Variants in LIMS2 observed in about 807,000 individuals in gnomAD.
The protein encoded by LIMS2 is LIM zinc finger domain containing 2, also known as LIM and senescent cell antigen-like-containing domain protein 2.
LIMS2 carries 30 observed loss-of-function variants against 45.3 expected under a neutral mutation model. That is an observed-to-expected ratio of 0.66 (90% CI 0.50 to 0.90). LIMS2 has a LOEUF of 0.90. Among genes scored for constraint, LIMS2 ranks in the 40% least tolerant of loss-of-function variants. The probability of loss-of-function intolerance (pLI) is 0.00; values close to 1 mark genes in which losing one functional copy is unlikely to be tolerated. For synonymous variants in LIMS2, 173 were observed against 188.0 expected, an observed-to-expected ratio of 0.92 and a Z score of 0.65; for missense variants, 485 against 468.7, an observed-to-expected ratio of 1.03 and a Z score of -0.32.
At chr2:127,681,038 C>T (rs1418550105) in intron 1 of LIMS2, among the ~76,000 whole-genome samples, 1 of 152,236 alleles carries the variant, frequency 6.6e-6, no homozygotes, top group African/African-American at 2.4e-5. Context: ...CCCACTGGAG[C>T]TTGTTCCACT....
In LIMS2 at chr2:127,642,429, C is replaced by A. The variant is rs1244751291; in HGVS notation, c.510-230G>T. 2.2e-6 allele frequency: 1 copy of A among 463,598 alleles called. No individual in the cohort carries two copies. The highest frequency in any genetic ancestry group is 3.4e-5 in the East Asian group (1 of 29,554). 28.7% of individuals were successfully genotyped at this position (463,598 alleles called of 1,614,324 possible). A position where few individuals can be genotyped will look rare whatever the true frequency, so the allele number is the denominator to read the frequency against. On this transcript the variant is annotated intron_variant, in intron 5 of 9. Coordinates refer to ENST00000355119, the MANE Select transcript of LIMS2 (RefSeq NM_001161403.3). The surrounding 1 kb of genome is among the most constrained non-coding windows in gnomAD (Gnocchi z 5.3). ...CAGAAGAGTGGGCTGTGTTCTGCAC[C>A]CAGGCCTCTGAGAAGCAGGTCTGTT...
At chr2:127,643,368 A>T (rs921455716) in intron 4 of LIMS2, 4 of 517,910 alleles carry the variant, frequency 7.7e-6, no homozygotes, top group Non-Finnish European at 1.5e-5. Flanking sequence ...GCTGCAGAAT[A>T]CAGTAGACAT....
rs1313856783 is a variant in LIMS2 at position 127,664,137 on chromosome 2, A to G, written c.12-6575T>C. On this transcript the variant is annotated intron_variant, in intron 1 of 9. Transcript: ENST00000355119. This position sits in a 1 kb window ranked among gnomAD's most constrained non-coding sequence, Gnocchi z 5.5. ...ATCACAGGTGACATCCAACCCTGTTAGATAAAGTCGCACGCGCCCACCCTG... is the reference window on the plus strand; with the variant it reads ...ATCACAGGTGACATCCAACCCTGTTGGATAAAGTCGCACGCGCCCACCCTG... Among the ~76,000 whole-genome samples, 3 of 151,974 alleles carry G rather than the reference A, an allele frequency of 2.0e-5. No homozygotes were observed. Among genetic ancestry groups the G allele is most frequent in the Admixed American group, 1.3e-4 (2 of 15,272 alleles).
intron 1 of LIMS2, among the ~76,000 whole-genome samples, chr2:127,661,135 G>A (rs1280653962): frequency 6.6e-6 from 1 of 152,246 alleles, no homozygotes; most frequent in South Asian, 2.1e-4. Flanking sequence ...AGGAAGAGAG[G>A]CAGTGTGACA....
intron 6 of LIMS2, 66 bp from the exon 7 acceptor site, chr2:127,641,054 G>T: frequency 1.5e-6 from 2 of 1,330,506 alleles, no homozygotes; most frequent in Non-Finnish European, 1.1e-6. Flanking sequence ...GGACAGTGGT[G>T]ACCCGGGGAC....
At chr2:127,641,702 G>A (rs1433491393) in intron 6 of LIMS2, 2 of 229,952 alleles carry the variant, frequency 8.7e-6, no homozygotes, top group African/African-American at 2.3e-5. Flanking sequence ...TCTGCACAGG[G>A]CTGTCCATGC....
At chr2:127,660,351 C>G (rs992971918) in intron 1 of LIMS2, among the ~76,000 whole-genome samples, 5 of 152,196 alleles carry the variant, frequency 3.3e-5, no homozygotes, top group African/African-American at 7.2e-5. Context: ...AAAGTTTGTT[C>G]TTTTGCTCTT....
chr2:127,650,926 C>A, intron 4 of LIMS2: 1 of 1,614,012 alleles, frequency 6.2e-7, no homozygotes, highest in East Asian at 2.2e-5. Context: ...AAGTCCGGGA[C>A]CCCGGCCAAC....
chr2:127,638,469 C>CAA lies in LIMS2; in HGVS notation c.*810_*811dup, dbSNP rs1484377449. ...ATTGTGCAAGCGTGAGCCCAACAAA[C>CAA]AAACACCAGGTCTGCGCTGGCCGAA... On this transcript the variant is annotated 3_prime_UTR_variant, in exon 10 of 10. Coordinates refer to ENST00000355119, the MANE Select transcript of LIMS2 (RefSeq NM_001161403.3). 5.3e-5 allele frequency: 8 copies of CAA among 152,286 alleles called. No individual in the cohort carries two copies. Among genetic ancestry groups the CAA allele is most frequent in the African/African-American group, 1.7e-4 (7 of 41,278 alleles). The allele number at this position is 152,286 out of a possible 1,614,324, so 9.4% of individuals were successfully genotyped here.
At chr2:127,676,744 T>C (rs1685511843), upstream of LIMS2, among the ~76,000 whole-genome samples, 1 of 152,182 alleles carries the variant, frequency 6.6e-6, no homozygotes. Flanking sequence ...TAAGTATGGA[T>C]AATTTCTTGG....
chr2:127,639,074 G>A lies in LIMS2; in HGVS notation c.*207C>T, dbSNP rs1682120112. 6.8e-6 allele frequency: 4 copies of A among 588,826 alleles called. No homozygotes were observed. Among genetic ancestry groups the A allele is most frequent in the South Asian group, 6.3e-5 (3 of 47,732 alleles). The allele number at this position is 588,826 out of a possible 1,614,324, so 36.5% of individuals were successfully genotyped here. A position where few individuals can be genotyped will look rare whatever the true frequency, so the allele number is the denominator to read the frequency against. On this transcript the variant is annotated 3_prime_UTR_variant, in exon 10 of 10. Coordinates refer to ENST00000355119, the MANE Select transcript of LIMS2 (RefSeq NM_001161403.3). Reference sequence around the variant, plus strand: ...CATAGGCTCCCACTCCCCAGCTCCTGCCTCCTCACAGACAGAAGCCACGGC... The same window carrying A: ...CATAGGCTCCCACTCCCCAGCTCCTACCTCCTCACAGACAGAAGCCACGGC...
chr2:127,658,702 C>T (rs1250467072), intron 1 of LIMS2, among the ~76,000 whole-genome samples: 2 of 152,204 alleles, frequency 1.3e-5, no homozygotes, highest in Non-Finnish European at 2.9e-5. Context: ...ACACCTTTTG[C>T]TAGGAAGGGA....
intron 9 of LIMS2, 146 bp downstream of exon 9, chr2:127,639,924 C>A: frequency 1.2e-6 from 1 of 810,540 alleles, no homozygotes; most frequent in African/African-American, 1.7e-5. Flanking sequence ...GCCCCCATCT[C>A]CCTGGGTGGT....
At chr2:127,641,059 G>A (rs939027478) in intron 6 of LIMS2, 71 bp from the exon 7 acceptor site, 51 of 1,257,220 alleles carry the variant, frequency 4.1e-5, no homozygotes, top group Admixed American at 3.9e-4. Context: ...GTGGTGACCC[G>A]GGGACAACAG....
chr2:127,674,615 A>T (rs1009458527), intron 1 of LIMS2: 3 of 984,342 alleles, frequency 3.0e-6, no homozygotes, highest in Non-Finnish European at 3.6e-6. Flanking sequence ...CAGAGATGAC[A>T]CTCACCGGGA....
intron 4 of LIMS2, among the ~76,000 whole-genome samples, chr2:127,650,269 G>A (rs867406388): frequency 5.3e-5 from 8 of 152,258 alleles, no homozygotes; most frequent in Middle Eastern, 3.4e-3. Flanking sequence ...CACCTGCCAA[G>A]GCTTGGGCTG....
chr2:127,642,687 C>G lies in LIMS2; in HGVS notation c.509+236G>C, dbSNP rs895431680. ...TCTAGGGGTCCAGCCCACCCGCCTC[C>G]TGAGTCTCAAGTGCCCCCCAAACAG... On this transcript the variant is annotated intron_variant, in intron 5 of 9. Coordinates refer to ENST00000355119, the MANE Select transcript of LIMS2 (RefSeq NM_001161403.3). The surrounding 1 kb of genome is among the most constrained non-coding windows in gnomAD (Gnocchi z 5.3). 7.4e-5 allele frequency: 41 copies of G among 550,812 alleles called. No individual in the cohort carries two copies. The highest frequency in any genetic ancestry group is 9.7e-4 in the Middle Eastern group (2 of 2,070). 34.1% of individuals were successfully genotyped at this position (550,812 alleles called of 1,614,324 possible). A position where few individuals can be genotyped will look rare whatever the true frequency, so the allele number is the denominator to read the frequency against.
Position 127,640,393 on chromosome 2 carries a change from G to A in LIMS2, c.754-75C>T, listed in dbSNP as rs1682289626. The A allele has an allele frequency of 1.5e-5, 22 of 1,509,486 alleles. No individual in the cohort carries two copies. In the South Asian group the frequency reaches 2.5e-4, roughly 17 times the overall value. The allele number at this position is 1,509,486 out of a possible 1,614,324, so 93.5% of individuals were successfully genotyped here. On this transcript the variant is annotated intron_variant, in intron 7 of 9. Transcript: ENST00000355119. ...CCCAGGGCCATCATGCAGCCAGCCT[G>A]GCCCTCCAACACGGCCCCTCTCAGG... is the stretch of plus-strand genomic sequence containing the variant.
At chr2:127,658,846 G>C (rs913178026) in intron 1 of LIMS2, among the ~76,000 whole-genome samples, 4 of 152,194 alleles carry the variant, frequency 2.6e-5, no homozygotes, top group Non-Finnish European at 5.9e-5. Context: ...GTGGTGGCAG[G>C]ACTCGAGTGC....
Sources: allele counts gnomAD v4.1 joint callset (sites outside exome capture counted in the v4.1 genomes callset), GRCh38; gene constraint gnomAD v4.1.1; non-coding constraint Gnocchi (gnomAD v3.1); transcripts MANE v1.5; gene names NCBI Gene and HGNC (gene_info 2026-07-23, HGNC 2026-07-21).